LHFPL3: variants seen among roughly 807,000 people sequenced by gnomAD.
LHFPL3 encodes LHFPL tetraspan subfamily member 3 protein.
A neutral mutation model predicts 19.3 loss-of-function variants in LHFPL3; 5 were observed. That is an observed-to-expected ratio of 0.26 (90% CI 0.14 to 0.54). The LOEUF (loss-of-function observed/expected upper bound fraction) is 0.54. Among genes scored for constraint, LHFPL3 ranks in the 20% least tolerant of loss-of-function variants. The pLI, the probability that LHFPL3 is intolerant of heterozygous loss-of-function variation, is 0.94. For synonymous variants in LHFPL3, 133 were observed against 126.2 expected, an observed-to-expected ratio of 1.05 and a Z score of -0.36; for missense variants, 249 against 307.4, an observed-to-expected ratio of 0.81 and a Z score of 1.42.
At chr7:104,683,976 T>C (rs959491712) in intron 1 of LHFPL3, among the ~76,000 whole-genome samples, 2 of 152,224 alleles carry the variant, frequency 1.3e-5, no homozygotes, top group African/African-American at 4.8e-5. Context: ...TATTTAGGGG[T>C]AAAATTGAAT....
At chr7:104,407,270 A>G (rs1435669542) in intron 1 of LHFPL3, among the ~76,000 whole-genome samples, 1 of 152,228 alleles carries the variant, frequency 6.6e-6, no homozygotes, top group Non-Finnish European at 1.5e-5. Context: ...GGAGGAGATA[A>G]GAACAAAAAT....
At chr7:104,618,464 G>A (rs1205062901) in intron 1 of LHFPL3, among the ~76,000 whole-genome samples, 1 of 152,158 alleles carries the variant, frequency 6.6e-6, no homozygotes, top group East Asian at 1.9e-4. Flanking sequence ...CAGGATTCAA[G>A]CCTAGGCAGT....
chr7:104,564,910 G>T (rs907887206), intron 1 of LHFPL3, among the ~76,000 whole-genome samples: 2 of 152,192 alleles, frequency 1.3e-5, no homozygotes, highest in Non-Finnish European at 2.9e-5. Context: ...TAGAGACTTA[G>T]TTGTTGGCCA....
At chr7:104,642,676 C>G (rs1204523324) in intron 1 of LHFPL3, among the ~76,000 whole-genome samples, 1 of 152,108 alleles carries the variant, frequency 6.6e-6, no homozygotes, top group Non-Finnish European at 1.5e-5. Flanking sequence ...CACTGCTTGC[C>G]CTCCTCTCTG....
At chr7:104,592,782 C>T (rs1410806618) in intron 1 of LHFPL3, among the ~76,000 whole-genome samples, 1 of 152,144 alleles carries the variant, frequency 6.6e-6, no homozygotes, top group African/African-American at 2.4e-5. Context: ...GCTTTGTTTA[C>T]CTACTCAAGC....
intron 1 of LHFPL3, among the ~76,000 whole-genome samples, chr7:104,436,449 G>A (rs1792107607): frequency 6.6e-6 from 1 of 152,154 alleles, no homozygotes; most frequent in Admixed American, 6.5e-5. Flanking sequence ...CCCAGTTCAT[G>A]CTCTTAACCT....
chr7:104,608,338 CCTTT>C (rs1562948858), intron 1 of LHFPL3, among the ~76,000 whole-genome samples: 1 of 151,902 alleles, frequency 6.6e-6, no homozygotes, highest in Non-Finnish European at 1.5e-5. Context: ...GAGTTCATGT[CCTTT>C]GTAGGGACAT....
At chr7:104,736,607 A>G in intron 1 of LHFPL3, 68 bp from the exon 2 acceptor site, 1 of 1,031,768 alleles carries the variant, frequency 9.7e-7, no homozygotes, top group Non-Finnish European at 1.5e-6. Context: ...CAGTGGAAAC[A>G]TTTGCTAAGT....
rs539563451 is a variant in LHFPL3 at position 104,793,874 on chromosome 7, T to C, written c.682+56963T>C. The stretch of plus-strand genomic sequence containing the variant: ...ACTGTGGTAGTGGAAAGCGAACTGG[T>C]TTAGGGATTTTTAGACCCATTAATA... On this transcript the variant is annotated intron_variant, in intron 2 of 2. Transcript: ENST00000424859. Among the ~76,000 whole-genome samples the C allele has an allele frequency of 8.5e-5, 13 of 152,274 alleles. 1 individual carries two copies. The South Asian group carries it at 2.5e-3, about 29-fold the overall frequency.
At chr7:104,561,828 T>A (rs1790010942) in intron 1 of LHFPL3, among the ~76,000 whole-genome samples, 1 of 152,238 alleles carries the variant, frequency 6.6e-6, no homozygotes, top group Admixed American at 6.5e-5. Flanking sequence ...TACTGGTTGT[T>A]CCTTTCCATG....
intron 1 of LHFPL3, among the ~76,000 whole-genome samples, chr7:104,690,301 G>A (rs549549070): frequency 1.3e-5 from 2 of 152,376 alleles, no homozygotes; most frequent in South Asian, 2.1e-4. Context: ...TTTGGCAAAT[G>A]TCTTTTTCTC....
chr7:104,834,451 C>G (rs562925754), intron 2 of LHFPL3, among the ~76,000 whole-genome samples: 163 of 152,142 alleles, frequency 1.1e-3, no homozygotes, highest in Non-Finnish European at 2.0e-3. Flanking sequence ...TCATACATCA[C>G]CAGTGCTTTT....
intron 2 of LHFPL3, among the ~76,000 whole-genome samples, chr7:104,797,766 A>T (rs1040705824): frequency 6.6e-6 from 1 of 151,348 alleles, no homozygotes; most frequent in Non-Finnish European, 1.5e-5. Context: ...AAAAAAAAAA[A>T]TTAGCTGGGC....
intron 1 of LHFPL3, among the ~76,000 whole-genome samples, chr7:104,344,442 G>C (rs528991717): frequency 4.1e-4 from 63 of 152,158 alleles, no homozygotes; most frequent in African/African-American, 1.3e-3. Context: ...AATCTCCAAA[G>C]ACCATCATAT....
chr7:104,720,719 T>G (rs1793474267), intron 1 of LHFPL3, among the ~76,000 whole-genome samples: 1 of 152,016 alleles, frequency 6.6e-6, no homozygotes, highest in Non-Finnish European at 1.5e-5. Context: ...CATCAAAAAG[T>G]GGGCGAAGGA....
At chr7:104,432,406 A>T (rs1288529732) in intron 1 of LHFPL3, among the ~76,000 whole-genome samples, 2 of 152,154 alleles carry the variant, frequency 1.3e-5, no homozygotes, top group African/African-American at 4.8e-5. Context: ...TGACTTCCCC[A>T]TAGCACATTT....
rs563254692 is a variant in LHFPL3 at position 104,583,689 on chromosome 7, CA to C, written c.446-152980del. Among the ~76,000 whole-genome samples, 107 of 152,064 alleles carry C rather than the reference CA, an allele frequency of 7.0e-4. 3 individuals are homozygous for C. In the East Asian group the frequency reaches 0.02, roughly 29 times the overall value. On this transcript the variant is annotated intron_variant, in intron 1 of 2. Transcript: ENST00000424859. ...TCTCAGAAGAAGACATTTATACAGC[CA>C]AAAAACACATGAAAAAATGCTCATC...
intron 1 of LHFPL3, among the ~76,000 whole-genome samples, chr7:104,349,925 G>A (rs751852836): frequency 6.6e-5 from 10 of 152,128 alleles, no homozygotes; most frequent in East Asian, 3.8e-4. Flanking sequence ...GTGTTATTGC[G>A]AAGCTAGTTC....
chr7:104,846,892 T>TA (rs1332548129), intron 2 of LHFPL3, among the ~76,000 whole-genome samples: 1 of 152,236 alleles, frequency 6.6e-6, no homozygotes, highest in African/African-American at 2.4e-5. Flanking sequence ...GTTTGCTGAG[T>TA]AACCTCAGGC....
Sources: gnomAD v4.1 joint callset for allele counts (sites outside exome capture counted in the v4.1 genomes callset) on GRCh38, gnomAD v4.1.1 for gene constraint, MANE v1.5 for transcripts, NCBI Gene and HGNC (gene_info 2026-07-23, HGNC 2026-07-21) for gene names.